TIAM1: variants seen among roughly 807,000 people sequenced by gnomAD.
TIAM1 encodes TIAM Rac1 associated GEF 1.
In TIAM1, 65 loss-of-function variants were observed where a neutral mutation model predicts 163.5. The observed-to-expected ratio is 0.40, with a 90% confidence interval of 0.33 to 0.49. The LOEUF is 0.49. TIAM1 is among the 20% of genes least tolerant of loss of function. TIAM1 has a pLI of 0.77. For synonymous variants in TIAM1, 833 were observed against 810.1 expected (o/e 1.03, Z -0.48); for missense variants, 1,789 against 2,044.7 (o/e 0.87, Z 2.41).
chr21:31,466,267 G>C (rs2045528772), intron 1 of TIAM1, among the ~76,000 whole-genome samples: 1 of 152,142 alleles, frequency 6.6e-6, no homozygotes, highest in South Asian at 2.1e-4. Flanking sequence ...TCTGTGGAGG[G>C]GAAATTACTA....
intron 1 of TIAM1, among the ~76,000 whole-genome samples, chr21:31,473,886 T>C (rs2045845326): frequency 6.6e-6 from 1 of 152,094 alleles, no homozygotes; most frequent in Non-Finnish European, 1.5e-5. Context: ...TGCACTGCTA[T>C]AAAAAAACAC....
In TIAM1 at chr21:31,120,892, T is replaced by C. The variant is rs1317290868; in HGVS notation, c.4307-55A>G. ...AAACCCCCACATGCTTTACGTGAGATGAAAATCCAGAAAGCAAAGGACAGG... is the reference window on the plus strand; with the variant it reads ...AAACCCCCACATGCTTTACGTGAGACGAAAATCCAGAAAGCAAAGGACAGG... On this transcript the variant is annotated intron_variant, in intron 27 of 27. Transcript: ENST00000541036. This position sits in a 1 kb window ranked among gnomAD's most constrained non-coding sequence, Gnocchi z 4.2. 1.4e-6 allele frequency: 2 copies of C among 1,477,012 alleles called. No homozygotes were observed. The highest frequency in any genetic ancestry group is 5.0e-5 in the Admixed American group (2 of 40,156). The allele number at this position is 1,477,012 out of a possible 1,614,324, so 91.5% of individuals were successfully genotyped here.
At chr21:31,495,132 T>C (rs569116271) in intron 1 of TIAM1, among the ~76,000 whole-genome samples, 1 of 152,288 alleles carries the variant, frequency 6.6e-6, no homozygotes, top group Admixed American at 6.5e-5. Flanking sequence ...TTTAGATAAA[T>C]ATAGAGAGAA....
At chr21:31,377,505 GC>G (rs1455784444) in intron 2 of TIAM1, among the ~76,000 whole-genome samples, 1 of 152,092 alleles carries the variant, frequency 6.6e-6, no homozygotes, top group Admixed American at 6.6e-5. Flanking sequence ...AGGACACTAT[GC>G]TCCCCTTAGC....
rs1213440400 is a variant in TIAM1, at chr21:31,210,290, G to A, written c.2218-75C>T. 6 of 1,502,100 alleles carry A rather than the reference G, an allele frequency of 4.0e-6. No individual in the cohort carries two copies. The Admixed American group carries it at 5.3e-5, about 13-fold the overall frequency. 93.0% of individuals were successfully genotyped at this position (1,502,100 alleles called of 1,614,324 possible). A position where few individuals can be genotyped will look rare whatever the true frequency, so the allele number is the denominator to read the frequency against. ...ACCCTAGATTCCCAGACTGCACACA[G>A]GAATCACCGATTCCCATGAAAACAG... On this transcript the variant is annotated intron_variant, in intron 10 of 27. Transcript: ENST00000541036.
At chr21:31,290,034 C>T (rs2146910154) in intron 2 of TIAM1, among the ~76,000 whole-genome samples, 1 of 152,286 alleles carries the variant, frequency 6.6e-6, no homozygotes, top group Middle Eastern at 3.4e-3. Flanking sequence ...TAAGCATGCC[C>T]ACCCCGAAGA....
intron 2 of TIAM1, among the ~76,000 whole-genome samples, chr21:31,432,194 G>A (rs773421731): frequency 5.7e-5 from 8 of 139,846 alleles, no homozygotes; most frequent in Admixed American, 1.6e-4. Flanking sequence ...TCCACCTCCC[G>A]GGTTCAAGCG....
At chr21:31,451,809 T>C (rs1238316946) in intron 2 of TIAM1, among the ~76,000 whole-genome samples, 2 of 149,520 alleles carry the variant, frequency 1.3e-5, no homozygotes, top group East Asian at 2.0e-4. Context: ...GAGTGAGAGA[T>C]ACAAAAACTA....
chr21:31,318,897 T>G (rs1289052499), intron 2 of TIAM1, among the ~76,000 whole-genome samples: 1 of 152,190 alleles, frequency 6.6e-6, no homozygotes, highest in African/African-American at 2.4e-5. Flanking sequence ...AGGGTCTCGC[T>G]CTGTCCCTCA....
chr21:31,478,464 T>C (rs1469753302), intron 1 of TIAM1, among the ~76,000 whole-genome samples: 1 of 152,232 alleles, frequency 6.6e-6, no homozygotes, highest in African/African-American at 2.4e-5. Context: ...TTTGCCTACT[T>C]TTCACAAAAG....
At chr21:31,401,135 G>A (rs1014116405) in intron 2 of TIAM1, among the ~76,000 whole-genome samples, 3 of 152,122 alleles carry the variant, frequency 2.0e-5, no homozygotes, top group African/African-American at 4.8e-5. Flanking sequence ...TTTTTAAGTC[G>A]AAGTTAGGAA....
intron 1 of TIAM1, among the ~76,000 whole-genome samples, chr21:31,485,482 G>A (rs1261173175): frequency 6.6e-6 from 1 of 152,196 alleles, no homozygotes; most frequent in Non-Finnish European, 1.5e-5. Context: ...TGTTGCCTGA[G>A]AGTGTGGAGA....
intron 2 of TIAM1, among the ~76,000 whole-genome samples, chr21:31,450,302 G>A (rs1005490120): frequency 3.9e-5 from 6 of 152,158 alleles, no homozygotes; most frequent in Admixed American, 1.3e-4. Context: ...GGAGAAGCAC[G>A]TCCGAGATGT....
rs577185786 is a variant in TIAM1, at chr21:31,485,077, G to A, written c.-421-21042C>T. 9.5e-5 allele frequency among the ~76,000 whole-genome samples: 14 copies of A among 147,666 alleles called. No individual in the cohort carries two copies. In the South Asian group the frequency reaches 2.4e-3, roughly 25 times the overall value. ...AGAACCGTGAGCCAAATAAACTTCT[G>A]TTCTTTATAAATTACCCAATCTCTG... On this transcript the variant is annotated intron_variant, in intron 1 of 28. Transcript: ENST00000286827.
intron 2 of TIAM1, among the ~76,000 whole-genome samples, chr21:31,373,890 CTCCTCCCATA>C (rs1678232233): frequency 6.6e-6 from 1 of 152,148 alleles, no homozygotes; most frequent in African/African-American, 2.4e-5. Context: ...CCTCTCCCCA[CTCCTCCCATA>C]TCCTCAAAGC....
chr21:31,313,801 T>G (rs1409393988), intron 2 of TIAM1, among the ~76,000 whole-genome samples: 4 of 152,132 alleles, frequency 2.6e-5, no homozygotes, highest in African/African-American at 9.6e-5. Flanking sequence ...GATCTCAAAC[T>G]CCTGACCTCA....
chr21:31,442,560 G>T (rs1339890848), intron 2 of TIAM1, among the ~76,000 whole-genome samples: 1 of 152,134 alleles, frequency 6.6e-6, no homozygotes, highest in Admixed American at 6.6e-5. Flanking sequence ...TTGCAAAACT[G>T]GCCTAACAGA....
chr21:31,330,917 C>T (rs2075659322), intron 2 of TIAM1, among the ~76,000 whole-genome samples: 1 of 151,234 alleles, frequency 6.6e-6, no homozygotes, highest in African/African-American at 2.4e-5. Flanking sequence ...GATTTTTTTT[C>T]AAGCACTTCA....
intron 2 of TIAM1, among the ~76,000 whole-genome samples, chr21:31,315,180 G>A (rs1052276008): frequency 6.6e-6 from 1 of 152,036 alleles, no homozygotes; most frequent in Admixed American, 6.6e-5. Context: ...AGACCAGACT[G>A]ACCAACATGG....
Sources: allele counts gnomAD v4.1 joint callset (sites outside exome capture counted in the v4.1 genomes callset), GRCh38; gene constraint gnomAD v4.1.1; non-coding constraint Gnocchi (gnomAD v3.1); transcripts MANE v1.5; gene names NCBI Gene and HGNC (gene_info 2026-07-23, HGNC 2026-07-21).